Variants in DNAJC13 observed in about 807,000 individuals in gnomAD.
The protein encoded by DNAJC13 is DnaJ heat shock protein family (Hsp40) member C13.
A neutral mutation model predicts 290.5 loss-of-function variants in DNAJC13; 75 were observed. That is an observed-to-expected ratio of 0.26 (90% CI 0.21 to 0.31). The LOEUF is 0.31. Ranked by LOEUF, DNAJC13 falls within the 10% of genes least tolerant of loss-of-function variation. DNAJC13 has a pLI of 1.00. For synonymous variants in DNAJC13, 862 were observed against 892.0 expected, an observed-to-expected ratio of 0.97 and a Z score of 0.60; for missense variants, 2,260 against 2,674.5, an observed-to-expected ratio of 0.85 and a Z score of 3.42.
chr3:132,517,575 A>T (rs1935954896), intron 48 of DNAJC13, among the ~76,000 whole-genome samples: 1 of 152,106 alleles, frequency 6.6e-6, no homozygotes, highest in Admixed American at 6.6e-5. Flanking sequence ...GGGGCCCAGG[A>T]GTCTCCATTC....
intron 44 of DNAJC13, 139 bp downstream of exon 44, chr3:132,511,383 C>A: frequency 9.9e-7 from 1 of 1,015,072 alleles, no homozygotes; most frequent in Non-Finnish European, 1.4e-6. Flanking sequence ...AGGGAATTGA[C>A]CCTGTAATAG....
At chr3:132,512,812 A>T (rs1935816912) in intron 44 of DNAJC13, among the ~76,000 whole-genome samples, 196 bp from the exon 45 acceptor site, 1 of 152,204 alleles carries the variant, frequency 6.6e-6, no homozygotes, top group African/African-American at 2.4e-5. Context: ...AAACCTAAAA[A>T]GCTCTAACAC....
At chr3:132,529,243 T>G (rs1340635663) in intron 54 of DNAJC13, among the ~76,000 whole-genome samples, 2 of 152,244 alleles carry the variant, frequency 1.3e-5, no homozygotes, top group Non-Finnish European at 2.9e-5. Context: ...TAGCATGTTT[T>G]TAAGCATCAT....
At chr3:132,471,449 C>T (rs1449001008) in intron 20 of DNAJC13, among the ~76,000 whole-genome samples, 7 of 141,142 alleles carry the variant, frequency 5.0e-5, no homozygotes, top group Non-Finnish European at 9.4e-5. Context: ...ACTTCTCAGA[C>T]GGGGCAGCTG....
At chr3:132,417,889 G>A (rs1938837490) in intron 1 of DNAJC13, 129 bp downstream of exon 1, 1 of 153,042 alleles carries the variant, frequency 6.5e-6, no homozygotes, top group Non-Finnish European at 1.5e-5. Flanking sequence ...AGCTGCTAAG[G>A]AAGCAGATTA....
Position 132,474,960 on chromosome 3 carries a change from C to A in DNAJC13, c.2320C>A (p.Leu774Ile). The change falls in exon 22 of 56, where the codon CTT (leucine) becomes ATT (isoleucine). Residue 774 changes from leucine to isoleucine, a missense_variant. This residue lies in a region of DNAJC13 where 762 missense variants were observed against 964.1 expected (regional missense o/e 0.79). Transcript: ENST00000260818. ...RFGQDHARSN[L>I]IWNFKTREEL... ...TGGTCAAGACCATGCCAGGTCAAAC[C>A]TTATTTGGAATTTCAAAACACGAGA... 2.5e-6 allele frequency: 4 copies of A among 1,608,612 alleles called. No individual in the cohort carries two copies. The highest frequency in any genetic ancestry group is 3.4e-6 in the Non-Finnish European group (4 of 1,177,510).
Position 132,433,632 on chromosome 3 carries a change from C to T in DNAJC13, c.-13-906C>T, listed in dbSNP as rs534028423. 1.2e-4 allele frequency among the ~76,000 whole-genome samples: 19 copies of T among 152,254 alleles called. No homozygotes were observed. In the Middle Eastern group the frequency reaches 0.01, roughly 82 times the overall value. On this transcript the variant is annotated intron_variant, in intron 1 of 55. Transcript: ENST00000260818. ...TAGGTCCCCTTTGAAGTGGTAGTGT[C>T]AGCAAAATGGCCAGCACTTAGTAGC...
intron 46 of DNAJC13, 76 bp downstream of exon 46, chr3:132,514,746 A>G: frequency 1.0e-6 from 1 of 996,352 alleles, no homozygotes; most frequent in South Asian, 1.4e-5. Context: ...AGTTGATACA[A>G]AACCTCAAAC....
chr3:132,532,876 T>G (rs1044330155), intron 55 of DNAJC13, among the ~76,000 whole-genome samples: 3 of 138,700 alleles, frequency 2.2e-5, no homozygotes, highest in Non-Finnish European at 1.5e-5. Flanking sequence ...TAGCTGGCAT[T>G]ATAGGCTTGC....
At chr3:132,490,239 T>C (rs1559894605) in intron 31 of DNAJC13, among the ~76,000 whole-genome samples, 1 of 152,218 alleles carries the variant, frequency 6.6e-6, no homozygotes, top group Non-Finnish European at 1.5e-5. Flanking sequence ...TAAAATGTCT[T>C]TAAATTTGCC....
rs114784764 is a variant in DNAJC13 at position 132,460,104 on chromosome 3, G to A, written c.1450-146G>A. ...ATCGTCACTTCTGCCTGCTTATCAC[G>A]AGTTTCCTTTTTGCCTTACACTTTA... is the stretch of plus-strand genomic sequence containing the variant. On this transcript the variant is annotated intron_variant, in intron 13 of 55. Transcript: ENST00000260818. The A allele has an allele frequency of 1.9e-3, 854 of 452,090 alleles. 5 individuals are homozygous for A. The highest frequency in any genetic ancestry group is 0.014 in the African/African-American group (706 of 49,342). 28.0% of individuals were successfully genotyped at this position (452,090 alleles called of 1,614,324 possible).
chr3:132,473,143 A>G lies in DNAJC13; in HGVS notation c.2209-2A>G. On this transcript the variant is annotated splice_acceptor_variant, in intron 20 of 55. Transcript: ENST00000260818. LOFTEE classifies it high-confidence loss of function. ...GCACTATGAAGTTTTTTTCTGTTCC[A>G]GAATATAAATCAGAAGCCAGTGGTT... The G allele has an allele frequency of 6.2e-7, 1 of 1,606,664 alleles. No individual in the cohort carries two copies. The highest frequency in any genetic ancestry group is 8.5e-7 in the Non-Finnish European group (1 of 1,176,992).
At chr3:132,447,673 G>T in intron 4 of DNAJC13, among the ~76,000 whole-genome samples, 1 of 151,932 alleles carries the variant, frequency 6.6e-6, no homozygotes, top group South Asian at 2.1e-4. Context: ...AAGTTTATTA[G>T]TTTTTTTTAA....
At chr3:132,419,104 A>G (rs1304514788) in intron 1 of DNAJC13, among the ~76,000 whole-genome samples, 3 of 152,244 alleles carry the variant, frequency 2.0e-5, no homozygotes, top group Admixed American at 6.5e-5. Flanking sequence ...ATCACAATGC[A>G]TTCAGGCAAC....
chr3:132,527,624 T>C (rs1054049700), intron 53 of DNAJC13, among the ~76,000 whole-genome samples: 2 of 152,236 alleles, frequency 1.3e-5, no homozygotes, highest in South Asian at 2.1e-4. Flanking sequence ...AAGGTTGTTA[T>C]GAGAACAGTA....
intron 29 of DNAJC13, among the ~76,000 whole-genome samples, chr3:132,487,559 ATTTT>A (rs10663131): frequency 1.8e-5 from 2 of 110,494 alleles, no homozygotes; most frequent in African/African-American, 5.3e-5. Flanking sequence ...CCTGGCTGTA[ATTTT>A]TTTTTTTTTT....
At chr3:132,420,768 CTA>C (rs1170385654) in intron 1 of DNAJC13, among the ~76,000 whole-genome samples, 1 of 152,032 alleles carries the variant, frequency 6.6e-6, no homozygotes, top group Non-Finnish European at 1.5e-5. Context: ...AAATCATAAA[CTA>C]AGTCCAACTC....
intron 28 of DNAJC13, chr3:132,484,384 C>G: frequency 5.0e-6 from 3 of 599,196 alleles, no homozygotes; most frequent in Non-Finnish European, 9.0e-6. Context: ...TCAAGGAAAT[C>G]TTATGGAAGG....
chr3:132,472,316 C>T (rs898377501), intron 20 of DNAJC13, among the ~76,000 whole-genome samples: 4 of 152,330 alleles, frequency 2.6e-5, no homozygotes, highest in African/African-American at 7.2e-5. Context: ...ATCTTCTCTT[C>T]CAGTTGCAGC....
Sources: gnomAD v4.1 joint callset for allele counts (sites outside exome capture counted in the v4.1 genomes callset) on GRCh38, gnomAD v4.1.1 for gene constraint, gnomAD v4.1.1 regional missense constraint, MANE v1.5 for transcripts, NCBI Gene and HGNC (gene_info 2026-07-23, HGNC 2026-07-21) for gene names.